GSE1: variants seen among roughly 807,000 people sequenced by gnomAD.
GSE1 encodes the protein Gse1 coiled-coil protein.
In GSE1, 32 loss-of-function variants were observed where a neutral mutation model predicts 112.6. The ratio of observed to expected loss-of-function variants is 0.28; its 90% CI spans 0.21 to 0.38. The LOEUF is 0.38. Among genes scored for constraint, GSE1 ranks in the 10% least tolerant of loss-of-function variants. The probability of loss-of-function intolerance (pLI) is 1.00; values close to 1 mark genes in which losing one functional copy is unlikely to be tolerated. For synonymous variants in GSE1, 1,115 were observed against 735.6 expected, an observed-to-expected ratio of 1.52 and a Z score of -8.35; for missense variants, 2,348 against 1,699.2, an observed-to-expected ratio of 1.38 and a Z score of -6.71.
intron 1 of GSE1, among the ~76,000 whole-genome samples, chr16:85,625,235 G>T (rs1045450741): frequency 6.6e-6 from 1 of 152,098 alleles, no homozygotes; most frequent in African/African-American, 2.4e-5. Context: ...CTGCTTCTCC[G>T]CACACACAGC....
At chr16:85,268,785 T>C (rs1908524933) in intron 1 of GSE1, among the ~76,000 whole-genome samples, 1 of 152,150 alleles carries the variant, frequency 6.6e-6, no homozygotes, top group Admixed American at 6.5e-5. Flanking sequence ...GTGCCCAGCC[T>C]CCTGGGTAAG....
Position 85,654,439 on chromosome 16 carries a change from C to A in GSE1, c.588C>A (p.Phe196Leu), listed in dbSNP as rs200342108. The change falls in exon 4 of 16, where the codon TTC (phenylalanine) becomes TTA (leucine). Residue 196 changes from phenylalanine to leucine, a missense_variant. By Grantham distance (22) the Phe-to-Leu change is conservative. Transcript: ENST00000253458. The stretch of plus-strand genomic sequence containing the variant: ...GCTCAGTTGTGCAGGATTCCCGCTT[C>A]CCGCCACTCAAGTAAGTTGGTCGGC... ...SPSSVVQDSR[F>L]PPLNLQRPVH... The A allele has an allele frequency of 4.5e-6, 7 of 1,566,586 alleles. No homozygotes were observed. The African/African-American group carries it at 6.8e-5, about 15-fold the overall frequency.
At chr16:85,253,639 G>T (rs1394186930) in intron 1 of GSE1, among the ~76,000 whole-genome samples, 1 of 152,214 alleles carries the variant, frequency 6.6e-6, no homozygotes, top group Non-Finnish European at 1.5e-5. Flanking sequence ...CCAGGAGTCT[G>T]GGAGAACCCA....
intron 1 of GSE1, among the ~76,000 whole-genome samples, chr16:85,335,674 C>T (rs1171087202): frequency 6.6e-6 from 1 of 152,160 alleles, no homozygotes; most frequent in Non-Finnish European, 1.5e-5. Context: ...GCACCACCAA[C>T]AGTGACAGCA....
At chr16:85,656,995 G>A (rs554070517) in intron 7 of GSE1, among the ~76,000 whole-genome samples, 9 of 152,190 alleles carry the variant, frequency 5.9e-5, no homozygotes, top group Admixed American at 2.6e-4. Context: ...CATGTTTCCC[G>A]GAAATTTAAT....
intron 1 of GSE1, among the ~76,000 whole-genome samples, chr16:85,591,478 G>C (rs894151429): frequency 1.3e-5 from 2 of 152,250 alleles, no homozygotes; most frequent in Admixed American, 1.3e-4. Flanking sequence ...GGTGGGAACT[G>C]GTTCTTTGCA....
At chr16:85,363,699 C>T (rs756548158) in intron 2 of GSE1, among the ~76,000 whole-genome samples, 8 of 151,878 alleles carry the variant, frequency 5.3e-5, no homozygotes, top group South Asian at 2.1e-4. Context: ...TCAGTTTACC[C>T]GTGGGTACTG....
rs924372809 is a variant in GSE1, at chr16:85,671,167, C to G, written c.3519+69C>G. 4 of 900,606 alleles carry G rather than the reference C, an allele frequency of 4.4e-6. No homozygotes were observed. The East Asian group carries it at 9.9e-5, about 22-fold the overall frequency. The allele number at this position is 900,606 out of a possible 1,614,324, so 55.8% of individuals were successfully genotyped here. ...GAGTTTGGGTTCAGAAACACCCATGCAGATAAGTTTCAGAGAGGAAATGTG... is the reference window on the plus strand; with the variant it reads ...GAGTTTGGGTTCAGAAACACCCATGGAGATAAGTTTCAGAGAGGAAATGTG... On this transcript the variant is annotated intron_variant, in intron 15 of 15. Transcript: ENST00000253458.
chr16:85,558,149 A>G (rs376655927), intron 1 of GSE1, among the ~76,000 whole-genome samples: 3 of 152,288 alleles, frequency 2.0e-5, no homozygotes, highest in African/African-American at 7.2e-5. Flanking sequence ...TCCCATGGGA[A>G]GATTCCAGGT....
intron 1 of GSE1, among the ~76,000 whole-genome samples, chr16:85,215,585 T>A (rs2075294803): frequency 6.6e-6 from 1 of 152,180 alleles, no homozygotes; most frequent in South Asian, 2.1e-4. Context: ...AATATCTGCC[T>A]TATAGAGCTG....
intron 1 of GSE1, among the ~76,000 whole-genome samples, chr16:85,241,156 ACCTTGGGCTCGGCTGCG>A (rs1905135805): frequency 2.0e-5 from 2 of 101,832 alleles, no homozygotes; most frequent in East Asian, 3.3e-4. Context: ...TAGCTGCGTG[ACCTTGGGCTCGGCTGCG>A]TGACCTTGGG....
chr16:85,271,587 G>A (rs1222884515), intron 1 of GSE1, among the ~76,000 whole-genome samples: 1 of 152,222 alleles, frequency 6.6e-6, no homozygotes, highest in Non-Finnish European at 1.5e-5. Flanking sequence ...AGCCCACGCT[G>A]GCTTTCCTGC....
intron 1 of GSE1, among the ~76,000 whole-genome samples, chr16:85,185,750 C>T (rs1010718491): frequency 2.0e-5 from 3 of 152,264 alleles, no homozygotes; most frequent in Non-Finnish European, 2.9e-5. Flanking sequence ...GCTTCGCCCT[C>T]GCCAGGCTGT....
At chr16:85,464,551 ATGCGG>A (rs1378350896) in intron 2 of GSE1, among the ~76,000 whole-genome samples, 1 of 152,210 alleles carries the variant, frequency 6.6e-6, no homozygotes, top group African/African-American at 2.4e-5. Context: ...TGGCCTGGTC[ATGCGG>A]TGTCTGGGAG....
intron 1 of GSE1, among the ~76,000 whole-genome samples, chr16:85,256,704 G>A (rs550644563): frequency 6.6e-6 from 1 of 152,368 alleles, no homozygotes; most frequent in Admixed American, 6.5e-5. Flanking sequence ...GGGGTGCTGA[G>A]CCACCCAGAG....
At chr16:85,620,282 T>A (rs1050488185) in intron 1 of GSE1, among the ~76,000 whole-genome samples, 19 of 152,126 alleles carry the variant, frequency 1.2e-4, no homozygotes, top group African/African-American at 3.9e-4. Flanking sequence ...AGAGCGGGAC[T>A]CTTGTCTCAG....
chr16:85,250,545 G>C (rs1906359376), intron 1 of GSE1, among the ~76,000 whole-genome samples: 1 of 152,200 alleles, frequency 6.6e-6, no homozygotes, highest in South Asian at 2.1e-4. Flanking sequence ...TTATGCTGCT[G>C]ATCAGCAAAA....
At position 85,331,323 on chromosome 16, in the gene GSE1, CTGTGTGTGTGTGTGTGTGTGTG is replaced by C. The variant is rs71151278; in HGVS notation, c.2284-26118_2284-26097del. Among the ~76,000 whole-genome samples the C allele has an allele frequency of 2.2e-4, 19 of 84,518 alleles. 1 individual carries two copies. Among genetic ancestry groups the C allele is most frequent in the Admixed American group, 1.7e-3 (13 of 7,768 alleles). The allele number at this position is 84,518 out of a possible 152,430, so 55.4% of individuals were successfully genotyped here. On this transcript the variant is annotated intron_variant, in intron 1 of 2. Transcript: ENST00000637419. ...ACATGCCACCATGCCCAGCTAATTT[CTGTGTGTGTGTGTGTGTGTGTG>C]TGTGTGTGTGTGTGTGTGTGTATAT...
chr16:85,236,702 G>C (rs1036343069), intron 1 of GSE1, among the ~76,000 whole-genome samples: 2 of 152,188 alleles, frequency 1.3e-5, no homozygotes, highest in African/African-American at 4.8e-5. Flanking sequence ...TCCTGAGCAG[G>C]AGAGTGGCCT....
Sources: gnomAD v4.1 joint callset for allele counts (sites outside exome capture counted in the v4.1 genomes callset) on GRCh38, gnomAD v4.1.1 for gene constraint, MANE v1.5 for transcripts, NCBI Gene and HGNC (gene_info 2026-07-23, HGNC 2026-07-21) for gene names.